The following IRAK1BP1 variants were observed in gnomAD, a reference collection of about 807,000 sequenced individuals.
IRAK1BP1 encodes the protein interleukin 1 receptor associated kinase 1 binding protein 1, also known as interleukin-1 receptor-associated kinase 1-binding protein 1.
IRAK1BP1 carries 24 observed loss-of-function variants against 28.0 expected under a neutral mutation model. The observed-to-expected ratio is 0.86, with a 90% CI of 0.62 to 1.20. The LOEUF (loss-of-function observed/expected upper bound fraction) is 1.20, where lower values mean the gene tolerates loss of function less well. Ranked by LOEUF, IRAK1BP1 falls within the 50% of genes most tolerant of loss-of-function variation. The probability of loss-of-function intolerance (pLI) is 0.00; values close to 1 mark genes in which losing one functional copy is unlikely to be tolerated. For missense variants in IRAK1BP1, 336 were observed against 316.7 expected, an observed-to-expected ratio of 1.06 and a Z score of -0.46; for synonymous variants, 131 against 116.3, an observed-to-expected ratio of 1.13 and a Z score of -0.81.
chr6:78,953,311 C>T, the IRAK1BP1 span, among the ~76,000 whole-genome samples: 4 of 152,102 alleles, frequency 2.6e-5, no homozygotes, highest in Admixed American at 1.3e-4. Flanking sequence ...TTCACCACTG[C>T]CCAAGGACTC....
chr6:78,953,113 G>C, the IRAK1BP1 span, among the ~76,000 whole-genome samples: 5 of 151,562 alleles, frequency 3.3e-5, no homozygotes, highest in African/African-American at 9.7e-5. Flanking sequence ...TCTACACAAG[G>C]GTGGTGCAAA....
downstream of IRAK1BP1, among the ~76,000 whole-genome samples, chr6:78,950,256 A>AT (rs1180881200): frequency 6.6e-6 from 1 of 152,186 alleles, no homozygotes; most frequent in African/African-American, 2.4e-5. Context: ...GTATAAAATC[A>AT]TTTTTTAATA....
chr6:78,948,079 C>T (rs1449280103), downstream of IRAK1BP1, among the ~76,000 whole-genome samples: 1 of 152,014 alleles, frequency 6.6e-6, no homozygotes, highest in East Asian at 1.9e-4. Flanking sequence ...AAGGAAAAAG[C>T]CCAGCTCTAC....
the IRAK1BP1 span, among the ~76,000 whole-genome samples, chr6:78,976,973 C>A: frequency 2.1e-5 from 1 of 48,192 alleles, no homozygotes; most frequent in African/African-American, 7.2e-5. Context: ...TGTGGCGATT[C>A]CTCAGGGATC....
chr6:78,871,102 T>C (rs184911838), intron 1 of IRAK1BP1, among the ~76,000 whole-genome samples: 1 of 152,144 alleles, frequency 6.6e-6, no homozygotes. Context: ...AACAGAAATG[T>C]GTATCTTACA....
chr6:78,906,843 A>G (rs1189656973), downstream of IRAK1BP1, among the ~76,000 whole-genome samples: 1 of 152,158 alleles, frequency 6.6e-6, no homozygotes, highest in African/African-American at 2.4e-5. Context: ...TTATTTGCCA[A>G]AAAGAGGTAT....
At chr6:78,911,479 G>A (rs571974533) in intron 4 of IRAK1BP1, among the ~76,000 whole-genome samples, 1 of 152,166 alleles carries the variant, frequency 6.6e-6, no homozygotes, top group Non-Finnish European at 1.5e-5. Context: ...AGTTTTTCTG[G>A]ATTTTATTTT....
rs58669467 is a variant in IRAK1BP1, at chr6:78,918,578, T to TAAAAAA, written c.*67+15485_*67+15490dup. On this transcript the variant is annotated intron_variant and NMD_transcript_variant, in intron 4 of 4. Transcript: ENST00000606868. ...AAAACAGACTTTAAGCCAAAAACAG[T>TAAAAAA]AAAAAAAAAAAAAAAAAAAAAAGGG... is the stretch of plus-strand genomic sequence containing the variant. 9.1e-3 allele frequency among the ~76,000 whole-genome samples: 610 copies of TAAAAAA among 66,760 alleles called. 9 individuals carry two copies. Among genetic ancestry groups the TAAAAAA allele is most frequent in the African/African-American group, 0.028 (460 of 16,400 alleles). 43.8% of individuals were successfully genotyped at this position (66,760 alleles called of 152,430 possible).
intron 1 of IRAK1BP1, chr6:78,871,435 C>A: frequency 1.0e-6 from 1 of 985,506 alleles, no homozygotes; most frequent in Non-Finnish European, 1.2e-6. Context: ...ACCTTTTCTC[C>A]TTTTTGCTTC....
At chr6:78,933,314 T>G (rs1773124969) in intron 4 of IRAK1BP1, among the ~76,000 whole-genome samples, 1 of 152,234 alleles carries the variant, frequency 6.6e-6, no homozygotes, top group African/African-American at 2.4e-5. Context: ...AGATGGCTTC[T>G]TTCCTTAAAC....
At chr6:78,910,628 C>A (rs951107153) in intron 4 of IRAK1BP1, among the ~76,000 whole-genome samples, 1 of 152,392 alleles carries the variant, frequency 6.6e-6, no homozygotes, top group African/African-American at 2.4e-5. Flanking sequence ...CAGAAGGGCG[C>A]ATTCTCGGCG....
chr6:78,969,417 T>C, the IRAK1BP1 span, among the ~76,000 whole-genome samples: 3 of 152,214 alleles, frequency 2.0e-5, no homozygotes, highest in African/African-American at 7.2e-5. Flanking sequence ...TTTTAGTTTC[T>C]TTGAGACTTG....
intron 1 of IRAK1BP1, among the ~76,000 whole-genome samples, chr6:78,881,946 C>T (rs1771244316): frequency 6.6e-6 from 1 of 151,848 alleles, no homozygotes; most frequent in Non-Finnish European, 1.5e-5. Flanking sequence ...TCATGTTTAC[C>T]TTTGTATATT....
At chr6:78,962,110 T>C in the IRAK1BP1 span, among the ~76,000 whole-genome samples, 1 of 152,176 alleles carries the variant, frequency 6.6e-6, no homozygotes, top group African/African-American at 2.4e-5. Context: ...AATTGACAGT[T>C]GGCCATTCCT....
the IRAK1BP1 span, among the ~76,000 whole-genome samples, chr6:78,953,545 C>CA: frequency 6.6e-6 from 1 of 152,178 alleles, no homozygotes; most frequent in African/African-American, 2.4e-5. Flanking sequence ...ATTATAGCAT[C>CA]AGCTCAGTCC....
the IRAK1BP1 span, among the ~76,000 whole-genome samples, chr6:78,974,801 C>T: frequency 1.3e-5 from 2 of 151,302 alleles, no homozygotes; most frequent in Non-Finnish European, 3.0e-5. Context: ...TTGACACATA[C>T]ACTCTCCCAA....
chr6:78,928,563 T>C (rs1562101699), intron 4 of IRAK1BP1, among the ~76,000 whole-genome samples: 1 of 152,150 alleles, frequency 6.6e-6, no homozygotes, highest in Non-Finnish European at 1.5e-5. Context: ...CTATGTTGAA[T>C]AGCAATGGTG....
At chr6:78,916,073 C>G (rs1020954831) in intron 4 of IRAK1BP1, among the ~76,000 whole-genome samples, 11 of 152,260 alleles carry the variant, frequency 7.2e-5, no homozygotes, top group Non-Finnish European at 1.5e-4. Context: ...AGCTCAAGGG[C>G]CCAGTTACAG....
At chr6:78,951,169 T>C (rs1197873111), downstream of IRAK1BP1, among the ~76,000 whole-genome samples, 3 of 152,148 alleles carry the variant, frequency 2.0e-5, no homozygotes, top group African/African-American at 7.2e-5. Context: ...TTACAAACTT[T>C]GTGGATTTGG....
Sources: gnomAD v4.1 joint callset for allele counts (sites outside exome capture counted in the v4.1 genomes callset) on GRCh38, gnomAD v4.1.1 for gene constraint, MANE v1.5 for transcripts, NCBI Gene and HGNC (gene_info 2026-07-23, HGNC 2026-07-21) for gene names.